Variants in PEX7 observed in about 807,000 individuals in gnomAD.
The protein encoded by PEX7 is peroxisomal biogenesis factor 7, also known as PTS2 receptor.
A neutral mutation model predicts 47.5 loss-of-function variants in PEX7; 34 were observed. That is an observed-to-expected ratio of 0.72 (90% CI 0.54 to 0.95). The LOEUF (loss-of-function observed/expected upper bound fraction) is 0.95, where lower values mean the gene tolerates loss of function less well. Among genes scored for constraint, PEX7 ranks in the 40% least tolerant of loss-of-function variants. PEX7 has a pLI of 0.00. For synonymous variants in PEX7, 141 were observed against 148.8 expected, an observed-to-expected ratio of 0.95 and a Z score of 0.38; for missense variants, 394 against 400.3, an observed-to-expected ratio of 0.98 and a Z score of 0.13.
At chr6:136,837,759 C>T (rs1048520213) in intron 3 of PEX7, among the ~76,000 whole-genome samples, 2 of 150,954 alleles carry the variant, frequency 1.3e-5, no homozygotes, top group Non-Finnish European at 2.9e-5. Flanking sequence ...TCTCACTGGC[C>T]GAAGATGAGA....
chr6:136,828,087 T>C (rs1362858291), intron 3 of PEX7, among the ~76,000 whole-genome samples: 3 of 152,066 alleles, frequency 2.0e-5, no homozygotes, highest in Non-Finnish European at 4.4e-5. Flanking sequence ...TAAAATAATA[T>C]AGCTAGTTAA....
chr6:136,886,211 G>A (rs1275049924), intron 8 of PEX7, among the ~76,000 whole-genome samples: 1 of 152,132 alleles, frequency 6.6e-6, no homozygotes, highest in African/African-American at 2.4e-5. Flanking sequence ...ATTGGGGATA[G>A]GAAGTTATCT....
intron 9 of PEX7, among the ~76,000 whole-genome samples, chr6:136,910,045 AG>A (rs1304019729): frequency 6.6e-6 from 1 of 152,218 alleles, no homozygotes; most frequent in Non-Finnish European, 1.5e-5. Context: ...GAAAACTGCA[AG>A]ATTAGGCAAA....
chr6:136,843,648 A>T (rs905870138), intron 3 of PEX7, among the ~76,000 whole-genome samples: 1 of 152,232 alleles, frequency 6.6e-6, no homozygotes, highest in Non-Finnish European at 1.5e-5. Flanking sequence ...TTTAGAGGAT[A>T]AAATCAAACT....
intron 2 of PEX7, 49 bp from the exon 3 acceptor site, chr6:136,826,270 G>C (rs1175582657): frequency 3.1e-6 from 5 of 1,588,910 alleles, no homozygotes; most frequent in Middle Eastern, 1.7e-4. Flanking sequence ...TTGTGTAGCT[G>C]CCTATGTAAG....
intron 3 of PEX7, among the ~76,000 whole-genome samples, chr6:136,836,366 G>C (rs1774384883): frequency 6.6e-6 from 1 of 151,928 alleles, no homozygotes; most frequent in African/African-American, 2.4e-5. Flanking sequence ...CTTGAAAGAG[G>C]GGGTAAGGTA....
Position 136,823,406 on chromosome 6 carries a change from G to T in PEX7, c.130+611G>T, listed in dbSNP as rs991381874. The T allele has an allele frequency of 1.3e-5, 12 of 958,458 alleles. No individual in the cohort carries two copies. The Admixed American group carries it at 2.5e-4, about 20-fold the overall frequency. The allele number at this position is 958,458 out of a possible 1,614,324, so 59.4% of individuals were successfully genotyped here. A position where few individuals can be genotyped will look rare whatever the true frequency, so the allele number is the denominator to read the frequency against. On this transcript the variant is annotated intron_variant, in intron 1 of 9. Coordinates refer to ENST00000318471, the MANE Select transcript of PEX7 (RefSeq NM_000288.4). ...TAGGTGTTACAGACTCCAGTTAATT[G>T]TCTCCCGTCGCGCGCATTGGCTCAG...
intron 3 of PEX7, among the ~76,000 whole-genome samples, chr6:136,836,416 C>T (rs1435795096): frequency 1.3e-5 from 2 of 151,984 alleles, no homozygotes; most frequent in African/African-American, 4.8e-5. Context: ...AATAAGATTT[C>T]TTCAGATATA....
At chr6:136,913,180 G>A (rs1478697936) in intron 9 of PEX7, among the ~76,000 whole-genome samples, 6 of 152,216 alleles carry the variant, frequency 3.9e-5, no homozygotes, top group Non-Finnish European at 7.3e-5. Context: ...GTTGGGTGAA[G>A]TGAAGGTGGG....
chr6:136,908,452 A>G (rs1265240787), intron 9 of PEX7, among the ~76,000 whole-genome samples: 1 of 152,004 alleles, frequency 6.6e-6, no homozygotes, highest in African/African-American at 2.4e-5. Context: ...TTTTTCTGTA[A>G]TGTCAGTAAT....
chr6:136,899,080 C>CTTTTTTTTTTTT (rs71547049), intron 9 of PEX7, among the ~76,000 whole-genome samples: 3 of 111,978 alleles, frequency 2.7e-5, no homozygotes, highest in Non-Finnish European at 3.5e-5. Context: ...TTTTTCTTTT[C>CTTTTTTTTTTTT]TTTTTTTTTT....
chr6:136,823,204 C>T (rs1352771125), intron 1 of PEX7: 3 of 985,266 alleles, frequency 3.0e-6, no homozygotes, highest in African/African-American at 1.7e-5. Flanking sequence ...CCAGGGCTCG[C>T]GAGTTGGCCC....
chr6:136,878,881 A>T (rs897307153), intron 8 of PEX7, among the ~76,000 whole-genome samples: 8 of 150,918 alleles, frequency 5.3e-5, no homozygotes, highest in Non-Finnish European at 8.9e-5. Flanking sequence ...TCTTTGACAA[A>T]TTTTTTTTGA....
chr6:136,832,667 C>T (rs13193674), intron 3 of PEX7, among the ~76,000 whole-genome samples: 2,229 of 152,220 alleles, frequency 0.015, 27 homozygotes, highest in Non-Finnish European at 0.022. Context: ...TAGAAACAAC[C>T]GGGTCACTTC....
chr6:136,859,229 G>A, intron 5 of PEX7, among the ~76,000 whole-genome samples: 1 of 152,236 alleles, frequency 6.6e-6, no homozygotes, highest in East Asian at 1.9e-4. Flanking sequence ...AGTTTTTAGA[G>A]AACTACCAGT....
intron 6 of PEX7, among the ~76,000 whole-genome samples, chr6:136,867,032 CA>C (rs1775084655): frequency 6.6e-6 from 1 of 152,146 alleles, no homozygotes; most frequent in Non-Finnish European, 1.5e-5. Flanking sequence ...CTTAACCCTG[CA>C]ATTTTGTATC....
At chr6:136,879,829 T>C (rs1044293100) in intron 8 of PEX7, among the ~76,000 whole-genome samples, 3 of 152,204 alleles carry the variant, frequency 2.0e-5, no homozygotes, top group African/African-American at 7.2e-5. Flanking sequence ...TCATTTTCAT[T>C]CTTTTGGTTG....
In PEX7 at chr6:136,913,687, A is replaced by G. The variant is rs1407592955; in HGVS notation, c.*161A>G. On this transcript the variant is annotated 3_prime_UTR_variant, in exon 10 of 10. Transcript: ENST00000318471. ...ATCAGTTTTGAGGGAGCTGATAAAG[A>G]CTTTAGCTGACTCGTTAAGCCTGAT... 1 of 658,824 alleles carries G rather than the reference A, an allele frequency of 1.5e-6. No individual in the cohort carries two copies. Among genetic ancestry groups the G allele is most frequent in the Non-Finnish European group, 2.7e-6 (1 of 367,456 alleles). 40.8% of individuals were successfully genotyped at this position (658,824 alleles called of 1,614,324 possible).
At chr6:136,861,914 A>G (rs1774970182) in intron 5 of PEX7, among the ~76,000 whole-genome samples, 1 of 145,732 alleles carries the variant, frequency 6.9e-6, no homozygotes, top group South Asian at 2.1e-4. Context: ...TATTCAGTGT[A>G]TAATGCAGCG....
Sources: gnomAD v4.1 joint callset for allele counts (sites outside exome capture counted in the v4.1 genomes callset) on GRCh38, gnomAD v4.1.1 for gene constraint, MANE v1.5 for transcripts, NCBI Gene and HGNC (gene_info 2026-07-23, HGNC 2026-07-21) for gene names.